PPP4R4: variants seen among roughly 807,000 people sequenced by gnomAD.
The protein encoded by PPP4R4 is protein phosphatase 4 regulatory subunit 4.
A neutral mutation model predicts 121.8 loss-of-function variants in PPP4R4; 70 were observed. The ratio of observed to expected loss-of-function variants is 0.57; its 90% CI spans 0.47 to 0.70. The LOEUF (loss-of-function observed/expected upper bound fraction) is 0.70. Among genes scored for constraint, PPP4R4 ranks in the 30% least tolerant of loss-of-function variants. The pLI is 0.00. For synonymous variants in PPP4R4, 348 were observed against 355.7 expected (o/e 0.98, Z 0.24); for missense variants, 875 against 1,033.6 (o/e 0.85, Z 2.10).
chr14:94,176,080 A>G lies in PPP4R4; in HGVS notation c.144A>G (p.Thr48=), dbSNP rs34520961. 112,950 of 1,611,414 alleles carry G rather than the reference A, an allele frequency of 0.07. 4,480 individuals carry two copies. Among genetic ancestry groups the G allele is most frequent in the Non-Finnish European group, 0.082 (97,097 of 1,177,426 alleles). ...LKTPEEIERL[T]VDEDLSDIER... is the part of the protein sequence containing the mutation. ...CACCGGAAGAAATAGAAAGATTGAC[A>G]GTCGATGAAGACCTCAGTGATATTG... is the stretch of plus-strand genomic sequence containing the variant. Residue 48 remains threonine (T), a synonymous_variant, in exon 2 of 25, where the codon ACA becomes ACG. Coordinates refer to ENST00000304338, the MANE Select transcript of PPP4R4 (RefSeq NM_058237.2).
intron 2 of PPP4R4, among the ~76,000 whole-genome samples, chr14:94,201,936 A>G (rs965029970): frequency 4.2e-5 from 6 of 141,708 alleles, no homozygotes; most frequent in East Asian, 3.9e-4. Context: ...GTGTGTGTGT[A>G]TATATATAAA....
intron 3 of PPP4R4, among the ~76,000 whole-genome samples, chr14:94,220,056 T>C (rs2139491841): frequency 6.6e-6 from 1 of 152,248 alleles, no homozygotes; most frequent in East Asian, 1.9e-4. Flanking sequence ...ACCCCATCCC[T>C]ACTAAAAATA....
At chr14:94,251,625 C>A (rs1362948624) in intron 15 of PPP4R4, 124 bp from the exon 16 acceptor site, 1 of 688,368 alleles carries the variant, frequency 1.5e-6, no homozygotes, top group Non-Finnish European at 2.3e-6. Flanking sequence ...CCTCTTATGT[C>A]TTGTATTTGC....
chr14:94,237,439 A>C (rs1892401080), intron 7 of PPP4R4, 126 bp from the exon 8 acceptor site: 2 of 796,134 alleles, frequency 2.5e-6, no homozygotes, highest in Admixed American at 5.8e-5. Context: ...GCTTCTGGAG[A>C]GCAGGAACAG....
In PPP4R4 at chr14:94,233,743, A is replaced by G; in HGVS notation, c.607A>G (p.Lys203Glu). Residue 203 changes from lysine to glutamate, a missense_variant, in exon 6 of 25, where the codon AAA (lysine) becomes GAA (glutamate). Coordinates refer to ENST00000304338, the MANE Select transcript of PPP4R4 (RefSeq NM_058237.2). ...TAAAATTTTAGGAAAATTGACCAAC[A>G]AATTTGATGCCCACACGTGAGTATT... Reference protein sequence around the residue: ...SCKILGKLTNKFDAHTIKREI... With the variant: ...SCKILGKLTNEFDAHTIKREI... The G allele has an allele frequency of 6.4e-7, 1 of 1,573,760 alleles. No individual in the cohort carries two copies. Among genetic ancestry groups the G allele is most frequent in the South Asian group, 1.1e-5 (1 of 89,366 alleles).
Position 94,219,725 on chromosome 14 carries a change from A to G in PPP4R4, c.295-10862A>G, listed in dbSNP as rs1444643333. ...TCAGTATAAATCTTGTCAGAAACCT[A>G]AAAAAGGAACACCACCATCTAATCA... On this transcript the variant is annotated intron_variant, in intron 3 of 24. Coordinates refer to ENST00000304338, the MANE Select transcript of PPP4R4 (RefSeq NM_058237.2). Among the ~76,000 whole-genome samples, 6 of 152,206 alleles carry G rather than the reference A, an allele frequency of 3.9e-5. No individual in the cohort carries two copies. The East Asian group carries it at 1.2e-3, about 29-fold the overall frequency.
intron 2 of PPP4R4, among the ~76,000 whole-genome samples, chr14:94,188,694 A>G (rs755471435): frequency 2.6e-5 from 4 of 152,144 alleles, no homozygotes; most frequent in Admixed American, 1.3e-4. Flanking sequence ...AGACATTTGT[A>G]TAGTTGAAAT....
intron 20 of PPP4R4, 82 bp from the exon 21 acceptor site, chr14:94,265,305 T>G (rs1366740252): frequency 8.3e-6 from 8 of 965,474 alleles, no homozygotes; most frequent in Admixed American, 6.0e-5. Context: ...GTGATTCATA[T>G]TGTCTGAGTT....
chr14:94,178,299 C>T (rs1888788132), intron 2 of PPP4R4, among the ~76,000 whole-genome samples: 1 of 151,678 alleles, frequency 6.6e-6, no homozygotes, highest in Admixed American at 6.6e-5. Context: ...TTTTTGAGCA[C>T]TTTACCTTTT....
chr14:94,230,122 A>G (rs1037603891), intron 3 of PPP4R4, among the ~76,000 whole-genome samples: 4 of 152,204 alleles, frequency 2.6e-5, no homozygotes, highest in Non-Finnish European at 4.4e-5. Context: ...AATATTTTGC[A>G]TACTCTTAAG....
chr14:94,186,591 G>A (rs1889298493), intron 2 of PPP4R4, among the ~76,000 whole-genome samples: 1 of 152,174 alleles, frequency 6.6e-6, no homozygotes, highest in Admixed American at 6.5e-5. Flanking sequence ...ATGTAGACAT[G>A]TGCTTTCCTT....
At chr14:94,196,309 G>GTTTTTTTT (rs5810663) in intron 2 of PPP4R4, among the ~76,000 whole-genome samples, 2 of 88,354 alleles carry the variant, frequency 2.3e-5, no homozygotes, top group African/African-American at 4.7e-5. Context: ...TCTTTCAAAG[G>GTTTTTTTT]TTTTTTTTTT....
chr14:94,251,327 A>G (rs1338757435), intron 15 of PPP4R4, among the ~76,000 whole-genome samples: 2 of 152,078 alleles, frequency 1.3e-5, no homozygotes, highest in African/African-American at 2.4e-5. Context: ...TTTGAATTCT[A>G]GCTCTGCACC....
intron 3 of PPP4R4, among the ~76,000 whole-genome samples, chr14:94,215,795 A>G (rs981889444): frequency 3.3e-5 from 5 of 152,316 alleles, no homozygotes; most frequent in South Asian, 2.1e-4. Context: ...CATTTTGAGA[A>G]TAATGTCTTT....
chr14:94,194,400 A>G (rs1274959338), intron 2 of PPP4R4, among the ~76,000 whole-genome samples: 2 of 152,220 alleles, frequency 1.3e-5, no homozygotes, highest in Non-Finnish European at 2.9e-5. Flanking sequence ...TGTAACCATG[A>G]TGATTGTTTC....
intron 3 of PPP4R4, among the ~76,000 whole-genome samples, chr14:94,228,493 A>G (rs1872001146): frequency 6.6e-6 from 1 of 152,162 alleles, no homozygotes; most frequent in Non-Finnish European, 1.5e-5. Context: ...ATAGGTCCAA[A>G]TCATGGTTAT....
At chr14:94,246,844 A>T (rs1033267357) in intron 14 of PPP4R4, among the ~76,000 whole-genome samples, 3 of 152,166 alleles carry the variant, frequency 2.0e-5, no homozygotes, top group African/African-American at 7.2e-5. Context: ...AGTTCTTCTT[A>T]AGAGGAAGGT....
chr14:94,230,690 C>T lies in PPP4R4; in HGVS notation c.398C>T (p.Ser133Leu), dbSNP rs766472758. Residue 133 changes from serine (S) to leucine (L), a missense_variant, in exon 4 of 25, where the codon TCA (serine) becomes TTA (leucine). Ser to Leu is a moderately radical substitution (Grantham distance 145, BLOSUM62 -2). Coordinates refer to ENST00000304338, the MANE Select transcript of PPP4R4 (RefSeq NM_058237.2). ...GTGTCAATTCATGCATATACCCACT[C>T]ATTCCTCCAAGTCATTCTCCTGCAT... The part of the protein sequence containing the change: ...ESVSIHAYTH[S>L]FLQVILLHLE... 3 of 1,613,496 alleles carry T rather than the reference C, an allele frequency of 1.9e-6. No homozygotes were observed. In the South Asian group the frequency reaches 3.3e-5, roughly 18 times the overall value.
rs1238519575 is a variant in PPP4R4, at chr14:94,176,643, A to G, written c.191+516A>G. ...ATTTGGTCGAGCCTACTGTCATTTCAATTTCAAACCATCTCACAGGCTCTA... is the reference window on the plus strand; with the variant it reads ...ATTTGGTCGAGCCTACTGTCATTTCGATTTCAAACCATCTCACAGGCTCTA... On this transcript the variant is annotated intron_variant, in intron 2 of 24. Coordinates refer to ENST00000304338, the MANE Select transcript of PPP4R4 (RefSeq NM_058237.2). Among the ~76,000 whole-genome samples, 4 of 151,964 alleles carry G rather than the reference A, an allele frequency of 2.6e-5. No individual in the cohort carries two copies. The South Asian group carries it at 8.3e-4, about 31-fold the overall frequency.
Sources: gnomAD v4.1 joint callset for allele counts (sites outside exome capture counted in the v4.1 genomes callset) on GRCh38, gnomAD v4.1.1 for gene constraint, MANE v1.5 for transcripts, NCBI Gene and HGNC (gene_info 2026-07-23, HGNC 2026-07-21) for gene names.